MTR: variants seen among roughly 807,000 people sequenced by gnomAD.
MTR encodes the protein methionine synthase.
MTR carries 84 observed loss-of-function variants against 154.8 expected under a neutral mutation model. That is an observed-to-expected ratio of 0.54 (90% CI 0.45 to 0.65). The LOEUF (loss-of-function observed/expected upper bound fraction) is 0.65. MTR is among the 30% of genes least tolerant of loss of function. The pLI is 0.00. For synonymous variants in MTR, 554 were observed against 553.9 expected (o/e 1.00, Z 0.00); for missense variants, 1,275 against 1,570.2 (o/e 0.81, Z 3.18).
intron 26 of MTR, 39 bp from the exon 27 acceptor site, chr1:236,886,253 C>A: frequency 6.4e-7 from 1 of 1,552,048 alleles, no homozygotes; most frequent in Non-Finnish European, 8.9e-7. Flanking sequence ...TGTAGAAAAG[C>A]TAAGAGTGTC....
chr1:236,827,637 T>C (rs1662366572), intron 11 of MTR, among the ~76,000 whole-genome samples: 1 of 152,164 alleles, frequency 6.6e-6, no homozygotes, highest in Admixed American at 6.5e-5. Flanking sequence ...ACAACAGGTA[T>C]CTTGAGGTCA....
intron 3 of MTR, among the ~76,000 whole-genome samples, chr1:236,807,120 G>C (rs1218157783): frequency 6.6e-6 from 1 of 152,080 alleles, no homozygotes; most frequent in African/African-American, 2.4e-5. Flanking sequence ...ATTGTTAGAT[G>C]ATATGGTAAT....
intron 6 of MTR, 126 bp from the exon 7 acceptor site, chr1:236,815,478 C>G: frequency 1.1e-6 from 1 of 917,072 alleles, no homozygotes; most frequent in Admixed American, 1.8e-5. Flanking sequence ...GACACTTCTT[C>G]CCAGAGAGCT....
In MTR at chr1:236,874,710, A is replaced by T. The variant is rs539082928; in HGVS notation, c.2474-16A>T. The T allele has an allele frequency of 3.5e-4, 502 of 1,453,098 alleles. 1 individual carries two copies. The African/African-American group carries it at 5.4e-3, about 16-fold the overall frequency. The allele number at this position is 1,453,098 out of a possible 1,614,324, so 90.0% of individuals were successfully genotyped here. ...TGTCCTTTTTGTCCTTTTTTTTTTA[A>T]AAAAAAAAAAAATAGATATAATTGG... is the stretch of plus-strand genomic sequence containing the variant. On this transcript the variant is annotated splice_polypyrimidine_tract_variant and intron_variant, in intron 23 of 32. Coordinates refer to ENST00000366577, the MANE Select transcript of MTR (RefSeq NM_000254.3).
rs1474353736 is a variant in MTR, at chr1:236,886,383, G to A, written c.2851+16G>A. On this transcript the variant is annotated intron_variant, in intron 27 of 32. Coordinates refer to ENST00000366577, the MANE Select transcript of MTR (RefSeq NM_000254.3). ...CCTCACCCAGGTCTGTTTGGCTATGGACTAGAGAAAGACTGGGTGTGGTAA... is the reference window on the plus strand; with the variant it reads ...CCTCACCCAGGTCTGTTTGGCTATGAACTAGAGAAAGACTGGGTGTGGTAA... 8 of 1,612,652 alleles carry A rather than the reference G, an allele frequency of 5.0e-6. No homozygotes were observed. The highest frequency in any genetic ancestry group is 6.8e-6 in the Non-Finnish European group (8 of 1,178,826).
At chr1:236,875,464 C>T (rs1221931096) in intron 24 of MTR, among the ~76,000 whole-genome samples, 2 of 152,174 alleles carry the variant, frequency 1.3e-5, no homozygotes, top group African/African-American at 2.4e-5. Context: ...CAGATTTTTC[C>T]TGGGATCATG....
intron 22 of MTR, among the ~76,000 whole-genome samples, chr1:236,869,360 T>TA (rs1664992352): frequency 6.6e-6 from 1 of 152,130 alleles, no homozygotes; most frequent in South Asian, 2.1e-4. Flanking sequence ...TCTAAGCACT[T>TA]AAAAAAAGAG....
intron 16 of MTR, 98 bp from the exon 17 acceptor site, chr1:236,852,417 CTTTTTG>C: frequency 2.3e-6 from 2 of 857,784 alleles, no homozygotes; most frequent in Admixed American, 3.6e-5. Flanking sequence ...ACTTCGGATG[CTTTTTG>C]TTTTTTTTTC....
In MTR at chr1:236,895,376, C is replaced by T. The variant is rs1389451053; in HGVS notation, c.3424C>T (p.His1142Tyr). ...RLAEAFAEEL[H>Y]ERVRRELWAY... Reference sequence around the variant, plus strand: ...TCCCAAGGCCTTTGCAGAAGAGCTCCATGAAAGAGTTCGCCGAGAACTGTG... The same window carrying T: ...TCCCAAGGCCTTTGCAGAAGAGCTCTATGAAAGAGTTCGCCGAGAACTGTG... The change falls in exon 31 of 33, where the codon CAT (histidine) becomes TAT (tyrosine). Residue 1142 changes from histidine to tyrosine, a missense_variant. His to Tyr is a moderately conservative substitution (Grantham distance 83). Coordinates refer to ENST00000366577, the MANE Select transcript of MTR (RefSeq NM_000254.3). 1.2e-6 allele frequency: 2 copies of T among 1,601,208 alleles called. No individual in the cohort carries two copies. Among genetic ancestry groups the T allele is most frequent in the Non-Finnish European group, 1.7e-6 (2 of 1,173,410 alleles).
chr1:236,824,682 T>G (rs1662177093), intron 9 of MTR, among the ~76,000 whole-genome samples: 1 of 152,238 alleles, frequency 6.6e-6, no homozygotes, highest in Non-Finnish European at 1.5e-5. Flanking sequence ...ACTGTCCCAT[T>G]AAATATTGGT....
intron 22 of MTR, among the ~76,000 whole-genome samples, chr1:236,864,298 A>G (rs1664711731): frequency 6.6e-6 from 1 of 152,118 alleles, no homozygotes; most frequent in Admixed American, 6.5e-5. Context: ...AGAGAAGAAA[A>G]TTGACTGGAG....
intron 15 of MTR, among the ~76,000 whole-genome samples, chr1:236,841,798 G>T (rs777411897): frequency 6.6e-6 from 1 of 152,008 alleles, no homozygotes; most frequent in Non-Finnish European, 1.5e-5. Context: ...GGGCATAGGA[G>T]TACAAACTTG....
At chr1:236,886,948 A>G (rs1383456077) in intron 27 of MTR, among the ~76,000 whole-genome samples, 1 of 150,318 alleles carries the variant, frequency 6.7e-6, no homozygotes, top group Admixed American at 6.6e-5. Context: ...CTCTCTCTGG[A>G]TGTTTCCCTC....
At chr1:236,834,105 C>T (rs769151495) in intron 13 of MTR, among the ~76,000 whole-genome samples, 2 of 152,178 alleles carry the variant, frequency 1.3e-5, no homozygotes, top group East Asian at 1.9e-4. Context: ...TTGTGATTTA[C>T]ACTTCTTTTT....
At chr1:236,808,588 T>G (rs1324209447) in intron 3 of MTR, 116 bp from the exon 4 acceptor site, 3 of 1,013,900 alleles carry the variant, frequency 3.0e-6, no homozygotes, top group Non-Finnish European at 4.6e-6. Context: ...AGACCTCAGA[T>G]TAATTCACTC....
intron 13 of MTR, among the ~76,000 whole-genome samples, chr1:236,832,824 C>A (rs1418193410): frequency 6.6e-6 from 1 of 152,202 alleles, no homozygotes; most frequent in Non-Finnish European, 1.5e-5. Flanking sequence ...TATTCCCCTT[C>A]ATGGACCTGT....
chr1:236,815,882 C>T (rs1661563644), intron 7 of MTR, among the ~76,000 whole-genome samples: 1 of 152,100 alleles, frequency 6.6e-6, no homozygotes, highest in African/African-American at 2.4e-5. Flanking sequence ...TGATGGAAGG[C>T]AAACTGTTCA....
At chr1:236,843,479 G>C (rs969519174) in intron 15 of MTR, among the ~76,000 whole-genome samples, 1 of 152,190 alleles carries the variant, frequency 6.6e-6, no homozygotes, top group Admixed American at 6.5e-5. Context: ...TTGTTACTCA[G>C]AGTGAGTGGG....
chr1:236,902,894 G>A lies in MTR; in HGVS notation c.*5250G>A, dbSNP rs1419708974. 1 of 152,206 alleles carries A rather than the reference G, an allele frequency of 6.6e-6. No homozygotes were observed. The highest frequency in any genetic ancestry group is 2.4e-5 in the African/African-American group (1 of 41,456). 9.4% of individuals were successfully genotyped at this position (152,206 alleles called of 1,614,324 possible). A position where few individuals can be genotyped will look rare whatever the true frequency, so the allele number is the denominator to read the frequency against. On this transcript the variant is annotated 3_prime_UTR_variant, in exon 33 of 33. Coordinates refer to ENST00000366577, the MANE Select transcript of MTR (RefSeq NM_000254.3). ...GGCATACTTGCTATAAATCAGCTAT[G>A]TGTATTGTCAAATTGTAGAACTGAA...
Sources: allele counts gnomAD v4.1 joint callset (sites outside exome capture counted in the v4.1 genomes callset), GRCh38; gene constraint gnomAD v4.1.1; transcripts MANE v1.5; gene names NCBI Gene and HGNC (gene_info 2026-07-23, HGNC 2026-07-21).